The following TTC28 variants were observed in gnomAD, a reference collection of about 807,000 sequenced individuals.
TTC28 encodes tetratricopeptide repeat domain 28.
In TTC28, 61 loss-of-function variants were observed where a neutral mutation model predicts 198.0. That is an observed-to-expected ratio of 0.31 (90% CI 0.25 to 0.38). TTC28 has a LOEUF of 0.38. TTC28 is among the 10% of genes least tolerant of loss of function. TTC28 has a pLI of 1.00. For missense variants in TTC28, 2,678 were observed against 3,164.0 expected, an observed-to-expected ratio of 0.85 and a Z score of 3.69; for synonymous variants, 1,171 against 1,297.8, an observed-to-expected ratio of 0.90 and a Z score of 2.10.
intron 12 of TTC28, among the ~76,000 whole-genome samples, chr22:28,074,756 T>A (rs1424331169): frequency 1.3e-5 from 2 of 151,994 alleles, no homozygotes; most frequent in South Asian, 2.1e-4. Flanking sequence ...TCCCCCCCCA[T>A]GTACAATGGG....
chr22:27,987,930 T>C (rs1489308656), intron 21 of TTC28, among the ~76,000 whole-genome samples: 1 of 152,138 alleles, frequency 6.6e-6, no homozygotes, highest in African/African-American at 2.4e-5. Context: ...GAAAAGCATG[T>C]AGGCCAGGAG....
intron 2 of TTC28, among the ~76,000 whole-genome samples, chr22:28,499,013 A>C (rs1311259717): frequency 6.6e-6 from 1 of 151,820 alleles, no homozygotes. Flanking sequence ...CCATCTCTGC[A>C]AAAAAAATTT....
At chr22:28,218,314 C>T (rs1242890326) in intron 5 of TTC28, among the ~76,000 whole-genome samples, 1 of 151,992 alleles carries the variant, frequency 6.6e-6, no homozygotes, top group Non-Finnish European at 1.5e-5. Context: ...TTTCATTATA[C>T]AATATCAAAA....
intron 16 of TTC28, among the ~76,000 whole-genome samples, chr22:27,997,047 T>C (rs1937565793): frequency 6.6e-6 from 1 of 152,218 alleles, no homozygotes; most frequent in East Asian, 1.9e-4. Context: ...CAGTAGGTTT[T>C]GTGGGATGCT....
At chr22:28,015,419 T>TA (rs138678) in intron 13 of TTC28, among the ~76,000 whole-genome samples, 12,634 of 109,338 alleles carry the variant, frequency 0.12, 774 homozygotes, top group South Asian at 0.18. Flanking sequence ...GAGATAGCTT[T>TA]AAAAAAAAAA....
intron 2 of TTC28, among the ~76,000 whole-genome samples, chr22:28,465,768 A>T (rs1410620117): frequency 6.6e-6 from 1 of 152,222 alleles, no homozygotes; most frequent in African/African-American, 2.4e-5. Context: ...CAGGAATCAA[A>T]GGTTGATATG....
In TTC28 at chr22:27,983,212, T is replaced by A. The variant is rs1172581263; in HGVS notation, c.6455A>T (p.Glu2152Val). 5 of 1,551,742 alleles carry A rather than the reference T, an allele frequency of 3.2e-6. No individual in the cohort carries two copies. Among genetic ancestry groups the A allele is most frequent in the Non-Finnish European group, 4.4e-6 (5 of 1,147,024 alleles). The change falls in exon 23 of 23, where the codon GAA becomes GTA. Residue 2152 changes from glutamate to valine, a missense_variant. Physicochemically the swap from Glu to Val is moderately radical, Grantham distance 121. This residue lies in a region of TTC28 where 622 missense variants were observed against 656.0 expected (regional missense o/e 0.95). Coordinates refer to ENST00000397906, the MANE Select transcript of TTC28 (RefSeq NM_001145418.2). ...ETDSTVKSQE[E>V]SNPKLDPQEL... ...TTGTGGATCCAGTTTTGGGTTGCTT[T>A]CTTCTTGGGATTTCACGGTACTGTC...
intron 2 of TTC28, among the ~76,000 whole-genome samples, chr22:28,481,989 T>G (rs1568971594): frequency 6.6e-6 from 1 of 152,116 alleles, no homozygotes; most frequent in Non-Finnish European, 1.5e-5. Flanking sequence ...ACAAGTGAAT[T>G]TCACATGCAC....
At chr22:28,024,926 A>G (rs1178821196) in intron 13 of TTC28, among the ~76,000 whole-genome samples, 1 of 152,226 alleles carries the variant, frequency 6.6e-6, no homozygotes, top group Non-Finnish European at 1.5e-5. Flanking sequence ...CCTGGAGGTC[A>G]GAGATGGAGA....
chr22:28,457,258 A>C (rs1277747252), intron 2 of TTC28, among the ~76,000 whole-genome samples: 1 of 152,184 alleles, frequency 6.6e-6, no homozygotes, highest in African/African-American at 2.4e-5. Flanking sequence ...TATTACACTA[A>C]CCTAATATAT....
chr22:28,455,775 G>A (rs1427930479), intron 2 of TTC28, among the ~76,000 whole-genome samples: 1 of 151,144 alleles, frequency 6.6e-6, no homozygotes, highest in Non-Finnish European at 1.5e-5. Context: ...TGATGAATTT[G>A]CCATCATATC....
chr22:28,657,655 A>G (rs1418031902), intron 1 of TTC28, among the ~76,000 whole-genome samples: 1 of 152,192 alleles, frequency 6.6e-6, no homozygotes, highest in Non-Finnish European at 1.5e-5. Context: ...AAGGTGGGCA[A>G]ATCACTTGAG....
At chr22:28,223,108 CT>C (rs1928014805) in intron 5 of TTC28, among the ~76,000 whole-genome samples, 2 of 152,208 alleles carry the variant, frequency 1.3e-5, no homozygotes, top group Admixed American at 1.3e-4. Context: ...CAGCATGACA[CT>C]GAACACAACA....
rs986853170 is a variant in TTC28 at position 27,979,623 on chromosome 22, C to G, written c.*2598G>C. ...GTGAAAAACCAGACCGCTGACCAGT[C>G]TTAGCCTGTGGGTCATAGTTGCCAA... On this transcript the variant is annotated 3_prime_UTR_variant, in exon 23 of 23. Transcript: ENST00000397906. The G allele has an allele frequency of 6.6e-6, 1 of 152,106 alleles. No homozygotes were observed. Among genetic ancestry groups the G allele is most frequent in the African/African-American group, 2.4e-5 (1 of 41,408 alleles). 9.4% of individuals were successfully genotyped at this position (152,106 alleles called of 1,614,324 possible). A position where few individuals can be genotyped will look rare whatever the true frequency, so the allele number is the denominator to read the frequency against.
intron 2 of TTC28, among the ~76,000 whole-genome samples, chr22:28,521,561 G>A (rs2048910023): frequency 6.6e-6 from 1 of 152,152 alleles, no homozygotes; most frequent in Admixed American, 6.6e-5. Flanking sequence ...GCTGATTCTG[G>A]GAAAAGGTCA....
At chr22:28,391,721 G>A (rs895626392) in intron 2 of TTC28, among the ~76,000 whole-genome samples, 3 of 152,102 alleles carry the variant, frequency 2.0e-5, no homozygotes, top group Non-Finnish European at 2.9e-5. Flanking sequence ...CTCTGTATTG[G>A]TTATTCTAGT....
chr22:28,065,585 C>T (rs1053695638), intron 12 of TTC28, among the ~76,000 whole-genome samples: 1 of 152,214 alleles, frequency 6.6e-6, no homozygotes, highest in Non-Finnish European at 1.5e-5. Context: ...GGCCAGTGAG[C>T]TCCTTTGACA....
intron 6 of TTC28, among the ~76,000 whole-genome samples, chr22:28,112,592 G>A (rs1176254968): frequency 6.6e-6 from 1 of 152,204 alleles, no homozygotes; most frequent in African/African-American, 2.4e-5. Flanking sequence ...GCCACTGCCA[G>A]CCTGGGGAAT....
chr22:28,297,485 C>T (rs1451767090), intron 4 of TTC28, 95 bp downstream of exon 4: 10 of 1,393,920 alleles, frequency 7.2e-6, no homozygotes, highest in Middle Eastern at 2.4e-4. Flanking sequence ...AGCAACCAGG[C>T]GATCACTTTT....
Sources: gnomAD v4.1 joint callset for allele counts (sites outside exome capture counted in the v4.1 genomes callset) on GRCh38, gnomAD v4.1.1 for gene constraint, gnomAD v4.1.1 regional missense constraint, MANE v1.5 for transcripts, NCBI Gene and HGNC (gene_info 2026-07-23, HGNC 2026-07-21) for gene names.